FH: variants seen among roughly 807,000 people sequenced by gnomAD.
The protein encoded by FH is fumarate hydratase, also known as fumarate hydratase, mitochondrial.
FH carries 22 observed loss-of-function variants against 49.4 expected under a neutral mutation model. The observed-to-expected ratio is 0.45, with a 90% CI of 0.32 to 0.64. The LOEUF (loss-of-function observed/expected upper bound fraction) is 0.64, where lower values mean the gene tolerates loss of function less well. Ranked by LOEUF, FH falls within the 30% of genes least tolerant of loss-of-function variation. The pLI is 0.05. For synonymous variants in FH, 208 were observed against 223.0 expected, an observed-to-expected ratio of 0.93 and a Z score of 0.60; for missense variants, 526 against 641.5, an observed-to-expected ratio of 0.82 and a Z score of 1.95.
chr1:241,517,594 T>C (rs1660254267), intron 1 of FH, among the ~76,000 whole-genome samples: 1 of 152,158 alleles, frequency 6.6e-6, no homozygotes, highest in Admixed American at 6.5e-5. Context: ...TAGTAATCTT[T>C]TCCATTTCAA....
chr1:241,516,514 G>C (rs1280256468), intron 2 of FH, among the ~76,000 whole-genome samples: 1 of 152,232 alleles, frequency 6.6e-6, no homozygotes, highest in African/African-American at 2.4e-5. Flanking sequence ...GGGCGGAGGG[G>C]GAGCAGCAGA....
intron 8 of FH, among the ~76,000 whole-genome samples, chr1:241,501,486 T>C (rs1463786259): frequency 2.0e-5 from 3 of 152,188 alleles, no homozygotes; most frequent in Non-Finnish European, 4.4e-5. Flanking sequence ...TGAGTTCTGC[T>C]CTGGCCTGTG....
In FH at chr1:241,502,572, T is replaced by C; in HGVS notation, c.1109-2A>G. Reference sequence around the variant, plus strand: ...CACACTGAGTAGGGTTCACCTTGCCTTCAAGAAAACCACCAATGACAGAGT... The same window carrying C: ...CACACTGAGTAGGGTTCACCTTGCCCTCAAGAAAACCACCAATGACAGAGT... On this transcript the variant is annotated splice_acceptor_variant, in intron 7 of 9. Transcript: ENST00000366560. LOFTEE classifies it high-confidence loss of function. 1 of 1,614,082 alleles carries C rather than the reference T, an allele frequency of 6.2e-7. No homozygotes were observed. The highest frequency in any genetic ancestry group is 8.5e-7 in the Non-Finnish European group (1 of 1,179,956).
At chr1:241,505,147 G>A (rs1257501719) in intron 6 of FH, among the ~76,000 whole-genome samples, 1 of 152,028 alleles carries the variant, frequency 6.6e-6, no homozygotes, top group African/African-American at 2.4e-5. Flanking sequence ...CTGACCTCAA[G>A]TGATCTGCCC....
intron 9 of FH, among the ~76,000 whole-genome samples, chr1:241,498,713 ATATATATATATATAT>A (rs1659689643): frequency 1.3e-5 from 1 of 78,566 alleles, no homozygotes; most frequent in African/African-American, 5.8e-5. Context: ...ATATATATAT[ATATATATATATATAT>A]ATATATATAT....
At chr1:241,514,378 T>C (rs554764092) in intron 2 of FH, among the ~76,000 whole-genome samples, 135 of 152,322 alleles carry the variant, frequency 8.9e-4, no homozygotes, top group Middle Eastern at 6.8e-3. Flanking sequence ...GCTTCCGATA[T>C]ATATAAAACC....
rs1425094515 is a variant in FH, at chr1:241,497,841, A to G, written c.1520T>C (p.Leu507Pro). Residue 507 changes from leucine to proline, a missense_variant, in exon 10 of 10, where the codon CTG becomes CCG. Transcript: ENST00000366560. ...FDEWVKPKDM[L>P]GPK Reference sequence around the variant, plus strand: ...AATTTATGTAAATCACTTTGGACCCAGCATGTCCTTAGGTTTTACCCATTC... The same window carrying G: ...AATTTATGTAAATCACTTTGGACCCGGCATGTCCTTAGGTTTTACCCATTC... 3 of 1,609,240 alleles carry G rather than the reference A, an allele frequency of 1.9e-6. No homozygotes were observed. Among genetic ancestry groups the G allele is most frequent in the Non-Finnish European group, 2.5e-6 (3 of 1,178,088 alleles).
At chr1:241,501,302 T>C (rs1331256617) in intron 8 of FH, among the ~76,000 whole-genome samples, 1 of 152,178 alleles carries the variant, frequency 6.6e-6, no homozygotes, top group Non-Finnish European at 1.5e-5. Context: ...ATAATCTAAG[T>C]TTTAATTTGC....
rs1573885360 is a variant in FH at position 241,512,013 on chromosome 1, C to T, written c.509G>A (p.Gly170Asp). The T allele has an allele frequency of 1.2e-6, 2 of 1,613,940 alleles. No homozygotes were observed. The highest frequency in any genetic ancestry group is 1.7e-6 in the Non-Finnish European group (2 of 1,179,932). ...RAIEMLGGEL[G>D]SKIPVHPNDH... Reference sequence around the variant, plus strand: ...GTTGGGATGCACAGGTATCTTGCTGCCAAGTTCACCTCCTAACATTTCAAT... The same window carrying T: ...GTTGGGATGCACAGGTATCTTGCTGTCAAGTTCACCTCCTAACATTTCAAT... Residue 170 changes from glycine (G) to aspartate (D), a missense_variant, in exon 4 of 10, where the codon GGC becomes GAC. This residue lies in a region of FH where 383 missense variants were observed against 514.0 expected (regional missense o/e 0.75). Transcript: ENST00000366560.
chr1:241,500,525 G>A lies in FH; in HGVS notation c.1302C>T (p.Cys434=), dbSNP rs2070080. The A allele has an allele frequency of 5.6e-3, 8,961 of 1,608,838 alleles. 473 individuals carry two copies. The African/African-American group carries it at 0.11, about 19-fold the overall frequency. ...CTGTATTGGCCTGGATTCCCACCAC[G>A]CAGTTTTCTGTAAAGGAAACTGAAG... ...GDASVSFTEN[C]VVGIQANTER... is the part of the protein sequence containing the mutation. Residue 434 remains cysteine (C), a synonymous_variant, in exon 9 of 10, where the codon TGC becomes TGT. Transcript: ENST00000366560.
chr1:241,508,812 T>A, intron 4 of FH, 27 bp from the exon 5 acceptor site: 1 of 1,600,130 alleles, frequency 6.2e-7, no homozygotes, highest in Non-Finnish European at 8.6e-7. Flanking sequence ...AAAAGAAATA[T>A]AAAATGTTAA....
chr1:241,516,038 C>T (rs891340583), intron 2 of FH, among the ~76,000 whole-genome samples: 3 of 152,062 alleles, frequency 2.0e-5, no homozygotes, highest in African/African-American at 7.3e-5. Context: ...GTACTATACA[C>T]TTTTTAGGAA....
chr1:241,513,528 C>T (rs772662159), intron 3 of FH, 75 bp downstream of exon 3: 1 of 1,092,494 alleles, frequency 9.2e-7, no homozygotes, highest in Non-Finnish European at 1.4e-6. Context: ...CCCTTTCCTT[C>T]TGCCAGAGCA....
At chr1:241,514,598 A>C (rs1573886986) in intron 2 of FH, among the ~76,000 whole-genome samples, 2 of 152,284 alleles carry the variant, frequency 1.3e-5, no homozygotes, top group Middle Eastern at 6.8e-3. Flanking sequence ...AGAATGATGA[A>C]TGTATAAGAG....
intron 4 of FH, among the ~76,000 whole-genome samples, chr1:241,510,119 C>T (rs1414290177): frequency 6.6e-6 from 1 of 152,132 alleles, no homozygotes; most frequent in African/African-American, 2.4e-5. Flanking sequence ...ATCCCTTATA[C>T]AATGAACGTG....
At position 241,519,648 on chromosome 1, in the gene FH, A is replaced by C; in HGVS notation, c.75T>G (p.Ala25=). 2 of 1,548,014 alleles carry C rather than the reference A, an allele frequency of 1.3e-6. No homozygotes were observed. The highest frequency in any genetic ancestry group is 1.7e-6 in the Non-Finnish European group (2 of 1,146,508). Residue 25 remains alanine, a synonymous_variant, in exon 1 of 10, where the codon GCT becomes GCG. Transcript: ENST00000366560. ...GCACGGCCGCGCCACCCAAGCCGGG[A>C]GCCGAAGCTAAGGCTGCGGCTGGAG... is the stretch of plus-strand genomic sequence containing the variant. ...VRAPAAALAS[A]PGLGGAAVPS...
chr1:241,519,381 C>G, intron 1 of FH: 1 of 575,594 alleles, frequency 1.7e-6, no homozygotes, highest in Non-Finnish European at 2.9e-6. Context: ...CCTCCCCAAG[C>G]GCTCTCCCGG....
In FH at chr1:241,500,602, T is replaced by A. The variant is rs74405673; in HGVS notation, c.1237-12A>T. On this transcript the variant is annotated splice_polypyrimidine_tract_variant and intron_variant, in intron 8 of 9. Transcript: ENST00000366560. ...AACACATTTTTAATCTTTGAGTGAG[T>A]GAGAGAGAGAGAGAGAGAGAGAGAG... 2.4e-4 allele frequency: 357 copies of A among 1,490,496 alleles called. 1 individual carries two copies. The highest frequency in any genetic ancestry group is 9.6e-4 in the South Asian group (81 of 84,800). 92.3% of individuals were successfully genotyped at this position (1,490,496 alleles called of 1,614,324 possible).
At chr1:241,510,640 G>A (rs1441962010) in intron 4 of FH, among the ~76,000 whole-genome samples, 1 of 152,150 alleles carries the variant, frequency 6.6e-6, no homozygotes, top group Non-Finnish European at 1.5e-5. Flanking sequence ...CCTGATGAAT[G>A]CTAAAAATAG....
Sources: gnomAD v4.1 joint callset for allele counts (sites outside exome capture counted in the v4.1 genomes callset) on GRCh38, gnomAD v4.1.1 for gene constraint, gnomAD v4.1.1 regional missense constraint, MANE v1.5 for transcripts, NCBI Gene and HGNC (gene_info 2026-07-23, HGNC 2026-07-21) for gene names.